Variants in LDB2 observed in about 807,000 individuals in gnomAD.
LDB2 encodes LIM domain-binding protein 2.
Under a neutral mutation model 44.3 loss-of-function variants are expected in LDB2, and 12 were observed. The ratio of observed to expected loss-of-function variants is 0.27; its 90% CI spans 0.17 to 0.44. The LOEUF is 0.44. Among genes scored for constraint, LDB2 ranks in the 20% least tolerant of loss-of-function variants. The pLI is 1.00. For missense variants in LDB2, 344 were observed against 473.5 expected, an observed-to-expected ratio of 0.73 and a Z score of 2.54; for synonymous variants, 164 against 174.8, an observed-to-expected ratio of 0.94 and a Z score of 0.49.
chr4:16,511,442 A>G (rs1056782666), intron 6 of LDB2, among the ~76,000 whole-genome samples: 7 of 152,178 alleles, frequency 4.6e-5, no homozygotes, highest in African/African-American at 1.7e-4. Context: ...TTGATACAAT[A>G]TATCTTTAAA....
intron 5 of LDB2, among the ~76,000 whole-genome samples, chr4:16,563,768 T>A (rs147183655): frequency 6.6e-6 from 1 of 151,916 alleles, no homozygotes; most frequent in African/African-American, 2.4e-5. Flanking sequence ...TCATCAGATA[T>A]TCTAAACCAG....
chr4:16,704,781 T>C (rs1754241728), intron 2 of LDB2, among the ~76,000 whole-genome samples: 1 of 152,240 alleles, frequency 6.6e-6, no homozygotes, highest in African/African-American at 2.4e-5. Context: ...AACTCATAGA[T>C]GATACTTAAC....
intron 2 of LDB2, among the ~76,000 whole-genome samples, chr4:16,725,684 A>G (rs573291217): frequency 1.1e-4 from 16 of 152,012 alleles, no homozygotes; most frequent in Admixed American, 2.6e-4. Context: ...TCCCCAGATC[A>G]AAGACCTCTC....
At chr4:16,729,670 G>A (rs912648771) in intron 2 of LDB2, among the ~76,000 whole-genome samples, 3 of 152,132 alleles carry the variant, frequency 2.0e-5, no homozygotes, top group African/African-American at 7.2e-5. Context: ...ATCAAATGAA[G>A]CTTTGGCTGA....
At chr4:16,672,750 C>T (rs972820127) in intron 2 of LDB2, among the ~76,000 whole-genome samples, 1 of 152,090 alleles carries the variant, frequency 6.6e-6, no homozygotes, top group Non-Finnish European at 1.5e-5. Context: ...CAATAGCAAT[C>T]CTCTTTCCCT....
intron 1 of LDB2, among the ~76,000 whole-genome samples, chr4:16,779,934 G>GT (rs963874702): frequency 6.6e-6 from 1 of 151,866 alleles, no homozygotes; most frequent in East Asian, 1.9e-4. Flanking sequence ...TTCTGTATTT[G>GT]TTTTTTTGAA....
At chr4:16,897,077 A>G (rs1262997141) in intron 1 of LDB2, among the ~76,000 whole-genome samples, 3 of 152,378 alleles carry the variant, frequency 2.0e-5, no homozygotes, top group Admixed American at 6.5e-5. Context: ...GTCCTTGTCC[A>G]GCAGTTAGCC....
At chr4:16,545,056 T>C (rs1054150443) in intron 5 of LDB2, among the ~76,000 whole-genome samples, 5 of 152,040 alleles carry the variant, frequency 3.3e-5, no homozygotes, top group Admixed American at 6.5e-5. Flanking sequence ...AAGAAGTATT[T>C]CATGGAGAAA....
intron 7 of LDB2, among the ~76,000 whole-genome samples, chr4:16,504,443 G>T (rs1184713415): frequency 6.6e-6 from 1 of 152,186 alleles, no homozygotes; most frequent in East Asian, 1.9e-4. Context: ...ATTTTAAAAA[G>T]AAATGTCCCA....
chr4:16,785,924 G>A (rs1462983711), intron 1 of LDB2, among the ~76,000 whole-genome samples: 2 of 152,010 alleles, frequency 1.3e-5, no homozygotes, highest in African/African-American at 4.8e-5. Context: ...AGTTTTGAAA[G>A]CAAAACTCAA....
chr4:16,608,780 C>T (rs1560617678), intron 2 of LDB2, among the ~76,000 whole-genome samples: 1 of 152,162 alleles, frequency 6.6e-6, no homozygotes, highest in Non-Finnish European at 1.5e-5. Flanking sequence ...ACTCCATCAC[C>T]TCCAGGACGA....
chr4:16,621,275 GC>G (rs1277218447), intron 2 of LDB2, among the ~76,000 whole-genome samples: 1 of 152,192 alleles, frequency 6.6e-6, no homozygotes, highest in East Asian at 1.9e-4. Context: ...GAACTTGGCA[GC>G]CCCAGATGCA....
chr4:16,732,143 C>T (rs1760893604), intron 2 of LDB2, among the ~76,000 whole-genome samples: 1 of 152,180 alleles, frequency 6.6e-6, no homozygotes, highest in Admixed American at 6.5e-5. Flanking sequence ...AGTCCCCCTC[C>T]CTAATGAACT....
chr4:16,781,745 A>G (rs1270185780), intron 1 of LDB2, among the ~76,000 whole-genome samples: 4 of 152,188 alleles, frequency 2.6e-5, no homozygotes, highest in African/African-American at 9.7e-5. Context: ...GAATCTCGGA[A>G]TGTGACCTAA....
At chr4:16,678,755 C>G (rs554587959) in intron 2 of LDB2, among the ~76,000 whole-genome samples, 22 of 152,282 alleles carry the variant, frequency 1.4e-4, no homozygotes, top group Middle Eastern at 3.4e-3. Context: ...GAGGCAGATG[C>G]AAGGTGTGTT....
chr4:16,786,565 A>G (rs1477268115), intron 1 of LDB2, among the ~76,000 whole-genome samples: 1 of 152,160 alleles, frequency 6.6e-6, no homozygotes, highest in Admixed American at 6.5e-5. Flanking sequence ...GTTTTCCTGT[A>G]TCTGAATGGA....
At chr4:16,682,203 G>C (rs1344945146) in intron 2 of LDB2, among the ~76,000 whole-genome samples, 1 of 152,054 alleles carries the variant, frequency 6.6e-6, no homozygotes, top group Non-Finnish European at 1.5e-5. Flanking sequence ...TAATCTGTCA[G>C]GGAAAAAGCA....
chr4:16,633,359 C>T (rs1374850130), intron 2 of LDB2, among the ~76,000 whole-genome samples: 1 of 152,068 alleles, frequency 6.6e-6, no homozygotes, highest in Admixed American at 6.6e-5. Context: ...ATGGGTGCAG[C>T]ACACCAACAT....
At position 16,533,076 on chromosome 4, in the gene LDB2, G is replaced by C. The variant is rs1448307636; in HGVS notation, c.616-20972C>G. 6.6e-6 allele frequency among the ~76,000 whole-genome samples: 1 copy of C among 152,166 alleles called. No homozygotes were observed. The highest frequency in any genetic ancestry group is 2.4e-5 in the African/African-American group (1 of 41,438). ...CTTCAGTTTGCTTGGGACTGTCCCA[G>C]ATTTTAAAACTAGAAGTTCCAGATC... On this transcript the variant is annotated intron_variant, in intron 5 of 7. Transcript: ENST00000304523. The surrounding 1 kb of genome is among the most constrained non-coding windows in gnomAD (Gnocchi z 4.1).
Sources: gnomAD v4.1 joint callset for allele counts (sites outside exome capture counted in the v4.1 genomes callset) on GRCh38, gnomAD v4.1.1 for gene constraint, Gnocchi (gnomAD v3.1) non-coding constraint, MANE v1.5 for transcripts, NCBI Gene and HGNC (gene_info 2026-07-23, HGNC 2026-07-21) for gene names.